Variants in CCDC57 observed in about 807,000 individuals in gnomAD.
The protein encoded by CCDC57 is coiled-coil domain containing 57, also known as coiled-coil domain-containing protein 57.
CCDC57 carries 118 observed loss-of-function variants against 118.9 expected under a neutral mutation model. That is an observed-to-expected ratio of 0.99 (90% CI 0.86 to 1.16). The LOEUF is 1.16. Among genes scored for constraint, CCDC57 ranks in the 50% most tolerant of loss-of-function variants. The pLI is 0.00. For synonymous variants in CCDC57, 527 were observed against 532.9 expected (o/e 0.99, Z 0.15); for missense variants, 1,300 against 1,320.7 (o/e 0.98, Z 0.24).
At chr17:82,137,388 C>T (rs2039363940) in intron 16 of CCDC57, among the ~76,000 whole-genome samples, 1 of 152,228 alleles carries the variant, frequency 6.6e-6, no homozygotes, top group Non-Finnish European at 1.5e-5. Context: ...TCTATGTAAT[C>T]TGTTCAGACA....
Position 82,171,682 on chromosome 17 carries a change from C to T in CCDC57, c.1882+19G>A, listed in dbSNP as rs1431408459. 1 of 1,603,944 alleles carries T rather than the reference C, an allele frequency of 6.2e-7. No homozygotes were observed. The highest frequency in any genetic ancestry group is 8.5e-7 in the Non-Finnish European group (1 of 1,171,594). On this transcript the variant is annotated intron_variant, in intron 13 of 19. Transcript: ENST00000665763. ...GTTTATAAGGGGACAGCAAGTACCC[C>T]ACTGAGACGCGGACTTACCAGTCGT... is the stretch of plus-strand genomic sequence containing the variant.
intron 4 of CCDC57, among the ~76,000 whole-genome samples, chr17:82,195,975 C>T (rs2048251953): frequency 6.6e-6 from 1 of 152,206 alleles, no homozygotes; most frequent in Non-Finnish European, 1.5e-5. Flanking sequence ...GATAAAAAAT[C>T]CATGTTCCCA....
At chr17:82,146,789 GCACAGTCTCACACACAAACGTGTGTGCA>G (rs1361007528) in intron 16 of CCDC57, among the ~76,000 whole-genome samples, 2 of 152,114 alleles carry the variant, frequency 1.3e-5, no homozygotes, top group African/African-American at 4.8e-5. Flanking sequence ...AAATGTATGT[GCACAGTCTCACACACAAACGTGTGTGCA>G]CACAGTCTCA....
chr17:82,169,511 A>T (rs1034295873), intron 13 of CCDC57, among the ~76,000 whole-genome samples: 32 of 152,200 alleles, frequency 2.1e-4, no homozygotes, highest in African/African-American at 7.7e-4. Context: ...TTAGGCCTGC[A>T]GATGGGGCCT....
chr17:82,204,019 A>C (rs968175859), intron 2 of CCDC57, among the ~76,000 whole-genome samples: 1 of 152,174 alleles, frequency 6.6e-6, no homozygotes, highest in African/African-American at 2.4e-5. Context: ...AGGGGCTGCA[A>C]GACCCGTGGG....
chr17:82,125,057 G>A (rs990357264), intron 19 of CCDC57, among the ~76,000 whole-genome samples: 5 of 152,216 alleles, frequency 3.3e-5, no homozygotes, highest in Non-Finnish European at 7.3e-5. Context: ...ACGCGGCTGC[G>A]TGGAAGACAG....
intron 17 of CCDC57, among the ~76,000 whole-genome samples, chr17:82,132,181 C>A (rs1180810280): frequency 2.7e-5 from 4 of 145,848 alleles, no homozygotes; most frequent in Non-Finnish European, 6.1e-5. Flanking sequence ...TGTAAAGGAA[C>A]AGAAATAAGG....
At chr17:82,199,400 C>T (rs922128035) in intron 3 of CCDC57, among the ~76,000 whole-genome samples, 1 of 143,796 alleles carries the variant, frequency 7.0e-6, no homozygotes, top group Non-Finnish European at 1.5e-5. Flanking sequence ...ACCCCTTGAA[C>T]CCCGGAGGCA....
chr17:82,104,510 G>C (rs573704787), intron 19 of CCDC57, among the ~76,000 whole-genome samples: 1 of 152,154 alleles, frequency 6.6e-6, no homozygotes, highest in South Asian at 2.1e-4. Flanking sequence ...CCCCTCAGGC[G>C]GCTGCACCAT....
intron 17 of CCDC57, 45 bp from the exon 17 acceptor site, chr17:82,128,642 C>CA: frequency 2.1e-6 from 3 of 1,430,776 alleles, no homozygotes; most frequent in Non-Finnish European, 2.9e-6. Context: ...TTCACATGTA[C>CA]TGATGGTGCA....
In CCDC57 at chr17:82,134,812, A is replaced by C. The variant is rs188103699; in HGVS notation, c.2456-618T>G. Among the ~76,000 whole-genome samples, 771 of 151,888 alleles carry C rather than the reference A, an allele frequency of 5.1e-3. 1 individual carries two copies. The highest frequency in any genetic ancestry group is 8.0e-3 in the Non-Finnish European group (544 of 67,958). ...AAGCAAGCAAACAAACAAACAAAAG[A>C]AGCAAAAGCTTAAGTATAACAACTT... On this transcript the variant is annotated intron_variant, in intron 16 of 19. Coordinates refer to ENST00000665763, the Ensembl canonical transcript of CCDC57.
intron 19 of CCDC57, among the ~76,000 whole-genome samples, chr17:82,111,701 G>C (rs1298203330): frequency 6.6e-5 from 10 of 151,936 alleles, no homozygotes; most frequent in African/African-American, 2.4e-4. Context: ...CTAGCTCCAA[G>C]GTTCAAGTGA....
At chr17:82,211,010 GAA>G (rs60817301) in intron 1 of CCDC57, among the ~76,000 whole-genome samples, 52 of 126,332 alleles carry the variant, frequency 4.1e-4, no homozygotes, top group South Asian at 1.5e-3. Flanking sequence ...AAAAAAAAAA[GAA>G]AAAAAAAAAA....
intron 16 of CCDC57, among the ~76,000 whole-genome samples, chr17:82,135,661 CA>C (rs2048827587): frequency 6.6e-6 from 1 of 152,126 alleles, no homozygotes; most frequent in Admixed American, 6.6e-5. Context: ...CACGTGTGGG[CA>C]AAAACCTCCT....
intron 1 of CCDC57, among the ~76,000 whole-genome samples, chr17:82,211,295 G>A (rs1024976832): frequency 2.0e-5 from 3 of 152,180 alleles, no homozygotes; most frequent in African/African-American, 7.2e-5. Context: ...AAATGCCCCC[G>A]AACTGGGGGG....
intron 13 of CCDC57, among the ~76,000 whole-genome samples, chr17:82,171,368 G>A (rs1201346634): frequency 1.4e-5 from 2 of 147,840 alleles, no homozygotes; most frequent in Non-Finnish European, 3.0e-5. Flanking sequence ...GCTGACTGCA[G>A]TGAGGAGCCA....
intron 19 of CCDC57, among the ~76,000 whole-genome samples, chr17:82,119,229 C>T (rs2036341631): frequency 6.6e-6 from 1 of 152,068 alleles, no homozygotes; most frequent in Admixed American, 6.6e-5. Context: ...TTAATGCTTC[C>T]ATCCAGGAAG....
chr17:82,150,389 G>C (rs1429037199), intron 16 of CCDC57, among the ~76,000 whole-genome samples: 1 of 93,780 alleles, frequency 1.1e-5, no homozygotes, highest in Non-Finnish European at 2.2e-5. Flanking sequence ...AGAACCAGGC[G>C]CACACCCAGA....
rs1437375252 is a variant in CCDC57 at position 82,190,865 on chromosome 17, T to G, written c.852-2446A>C. ...TATGGACCTTAAGGCTCACTACACA[T>G]GGCGCTCTTTGGAAAGGATGTCAAT... On this transcript the variant is annotated intron_variant, in intron 7 of 19. Transcript: ENST00000665763. Among the ~76,000 whole-genome samples, 3 of 151,510 alleles carry G rather than the reference T, an allele frequency of 2.0e-5. No homozygotes were observed. In the South Asian group the frequency reaches 6.3e-4, roughly 32 times the overall value.
Sources: gnomAD v4.1 joint callset for allele counts (sites outside exome capture counted in the v4.1 genomes callset) on GRCh38, gnomAD v4.1.1 for gene constraint, MANE v1.5 for transcripts, NCBI Gene and HGNC (gene_info 2026-07-23, HGNC 2026-07-21) for gene names.